The following NRXN3 variants were observed in gnomAD, a reference collection of about 807,000 sequenced individuals.
NRXN3 encodes neurexin III.
NRXN3 carries 32 observed loss-of-function variants against 137.6 expected under a neutral mutation model. That is an observed-to-expected ratio of 0.23 (90% CI 0.18 to 0.31). NRXN3 has a LOEUF of 0.31. Ranked by LOEUF, NRXN3 falls within the 10% of genes least tolerant of loss-of-function variation. The probability of loss-of-function intolerance (pLI) is 1.00; values close to 1 mark genes in which losing one functional copy is unlikely to be tolerated. For synonymous variants in NRXN3, 798 were observed against 784.5 expected, an observed-to-expected ratio of 1.02 and a Z score of -0.29; for missense variants, 1,574 against 2,062.5, an observed-to-expected ratio of 0.76 and a Z score of 4.59.
intron 12 of NRXN3, 31 bp downstream of exon 12, chr14:78,966,437 A>G: frequency 1.9e-6 from 3 of 1,591,154 alleles, no homozygotes; most frequent in Non-Finnish European, 2.6e-6. Context: ...CTTATGTTGG[A>G]CACCTTTAAT....
At chr14:79,748,902 C>A (rs370461696) in intron 19 of NRXN3, among the ~76,000 whole-genome samples, 22 of 149,930 alleles carry the variant, frequency 1.5e-4, no homozygotes, top group African/African-American at 5.4e-4. Context: ...GTGATTGTGG[C>A]AGATTAAAAA....
At chr14:79,061,692 G>A (rs1359694287) in intron 15 of NRXN3, among the ~76,000 whole-genome samples, 1 of 152,096 alleles carries the variant, frequency 6.6e-6, no homozygotes, top group African/African-American at 2.4e-5. Flanking sequence ...CAAGGTCTAC[G>A]GCATCAAGGA....
intron 4 of NRXN3, among the ~76,000 whole-genome samples, chr14:78,477,931 C>T (rs184162987): frequency 7.2e-5 from 11 of 152,050 alleles, no homozygotes; most frequent in Admixed American, 4.6e-4. Context: ...CACAGGCTAA[C>T]GGGAAAGGAC....
chr14:78,844,184 A>C (rs772990077), intron 10 of NRXN3, among the ~76,000 whole-genome samples: 1 of 151,876 alleles, frequency 6.6e-6, no homozygotes, highest in Non-Finnish European at 1.5e-5. Context: ...CCATCCTCAC[A>C]TGGTGTTTGC....
intron 16 of NRXN3, among the ~76,000 whole-genome samples, chr14:79,520,271 C>T (rs893851410): frequency 6.6e-6 from 1 of 152,050 alleles, no homozygotes; most frequent in East Asian, 1.9e-4. Context: ...ACGTGATTAA[C>T]AAATTTAATT....
At chr14:79,566,250 C>CA (rs563583084) in intron 16 of NRXN3, among the ~76,000 whole-genome samples, 64 of 147,192 alleles carry the variant, frequency 4.3e-4, no homozygotes, top group Admixed American at 8.7e-4. Context: ...AGATGTGAGC[C>CA]AAAACTCTCC....
chr14:78,499,641 C>T (rs377460074), intron 4 of NRXN3, among the ~76,000 whole-genome samples: 1 of 152,280 alleles, frequency 6.6e-6, no homozygotes, highest in East Asian at 1.9e-4. Flanking sequence ...TTTATGGTTT[C>T]TTACAGGTTG....
chr14:78,487,433 C>G (rs373716863), intron 4 of NRXN3, among the ~76,000 whole-genome samples: 2 of 152,060 alleles, frequency 1.3e-5, no homozygotes, highest in Non-Finnish European at 2.9e-5. Context: ...GTATTTTTGT[C>G]CATTTTGCCT....
intron 15 of NRXN3, among the ~76,000 whole-genome samples, chr14:79,347,819 ATCTACC>A (rs2092973941): frequency 6.6e-6 from 1 of 152,192 alleles, no homozygotes. Context: ...AAAATATGAC[ATCTACC>A]TCTAAAAGTT....
chr14:78,719,098 T>A (rs2098447442), intron 8 of NRXN3, among the ~76,000 whole-genome samples: 1 of 152,224 alleles, frequency 6.6e-6, no homozygotes. Flanking sequence ...AGGGTTTGAT[T>A]TATTTGTACA....
In NRXN3 at chr14:79,638,028, C is replaced by T. The variant is rs979420513; in HGVS notation, c.3445-25750C>T. 3.9e-5 allele frequency among the ~76,000 whole-genome samples: 6 copies of T among 152,012 alleles called. 1 individual carries two copies. On this transcript the variant is annotated intron_variant, in intron 16 of 20. Coordinates refer to ENST00000335750, the MANE Select transcript of NRXN3 (RefSeq NM_001330195.2). ...TACAGGCATGAGCCACCGTGCCTGGCCTTATAAAGTTCCTCCTATATTATA... is the reference window on the plus strand; with the variant it reads ...TACAGGCATGAGCCACCGTGCCTGGTCTTATAAAGTTCCTCCTATATTATA...
intron 15 of NRXN3, among the ~76,000 whole-genome samples, chr14:79,130,133 A>G (rs1241937200): frequency 1.3e-5 from 2 of 150,102 alleles, no homozygotes; most frequent in Admixed American, 6.6e-5. Context: ...TCTTTATCCA[A>G]TTTGCCAGTC....
intron 10 of NRXN3, among the ~76,000 whole-genome samples, chr14:78,849,556 A>G (rs2099036966): frequency 6.6e-6 from 1 of 152,174 alleles, no homozygotes; most frequent in Non-Finnish European, 1.5e-5. Context: ...ATAATGACAT[A>G]AGTTTACATC....
At chr14:78,788,799 C>T (rs1382056446) in intron 8 of NRXN3, among the ~76,000 whole-genome samples, 1 of 152,066 alleles carries the variant, frequency 6.6e-6, no homozygotes, top group Non-Finnish European at 1.5e-5. Context: ...TAATGGTTTC[C>T]TGACTGATTC....
At chr14:79,148,174 G>T (rs1429357594) in intron 15 of NRXN3, among the ~76,000 whole-genome samples, 2 of 152,110 alleles carry the variant, frequency 1.3e-5, no homozygotes, top group Non-Finnish European at 2.9e-5. Context: ...AGATAAGTTA[G>T]TGGTATAAAA....
At chr14:79,126,816 C>T (rs2056583729) in intron 15 of NRXN3, among the ~76,000 whole-genome samples, 2 of 152,256 alleles carry the variant, frequency 1.3e-5, no homozygotes, top group African/African-American at 4.8e-5. Flanking sequence ...TCCTATTTCT[C>T]CACATCCTCT....
chr14:79,065,222 C>A (rs1224314590), intron 15 of NRXN3, among the ~76,000 whole-genome samples: 1 of 151,866 alleles, frequency 6.6e-6, no homozygotes, highest in Non-Finnish European at 1.5e-5. Flanking sequence ...ATGTATAGGT[C>A]CCTGATACAC....
intron 4 of NRXN3, among the ~76,000 whole-genome samples, chr14:78,618,221 G>A (rs1053572358): frequency 4.6e-5 from 7 of 150,666 alleles, no homozygotes; most frequent in South Asian, 2.1e-4. Flanking sequence ...ATGCACATAA[G>A]CTTCTCCAGG....
At chr14:78,460,385 C>T (rs2094888751) in intron 4 of NRXN3, among the ~76,000 whole-genome samples, 2 of 152,356 alleles carry the variant, frequency 1.3e-5, no homozygotes, top group South Asian at 4.1e-4. Context: ...AAGTTCCAAA[C>T]CTCTAATCAT....
Sources: allele counts gnomAD v4.1 joint callset (sites outside exome capture counted in the v4.1 genomes callset), GRCh38; gene constraint gnomAD v4.1.1; transcripts MANE v1.5; gene names NCBI Gene and HGNC (gene_info 2026-07-23, HGNC 2026-07-21).